Variants in PACSIN1 observed in about 807,000 individuals in gnomAD.
PACSIN1 encodes the protein protein kinase C and casein kinase substrate in neurons protein 1.
In PACSIN1, 15 loss-of-function variants were observed where a neutral mutation model predicts 59.5. The ratio of observed to expected loss-of-function variants is 0.25; its 90% CI spans 0.17 to 0.39. PACSIN1 has a LOEUF of 0.39. PACSIN1 is among the 10% of genes least tolerant of loss of function. The pLI is 1.00. For synonymous variants in PACSIN1, 210 were observed against 220.6 expected (o/e 0.95, Z 0.42); for missense variants, 420 against 580.2 (o/e 0.72, Z 2.84).
intron 1 of PACSIN1, among the ~76,000 whole-genome samples, chr6:34,469,684 G>T (rs1323797406): frequency 6.6e-6 from 1 of 152,230 alleles, no homozygotes; most frequent in Non-Finnish European, 1.5e-5. Flanking sequence ...CTTCCTGCAG[G>T]TGGCTCTGTG....
At chr6:34,491,035 T>A (rs1410806696) in intron 1 of PACSIN1, among the ~76,000 whole-genome samples, 1 of 152,002 alleles carries the variant, frequency 6.6e-6, no homozygotes, top group Non-Finnish European at 1.5e-5. Flanking sequence ...TGCACCTCAC[T>A]CTTTCCCAAG....
chr6:34,513,783 A>T (rs894466524), intron 1 of PACSIN1, among the ~76,000 whole-genome samples: 1 of 152,006 alleles, frequency 6.6e-6, no homozygotes, highest in Non-Finnish European at 1.5e-5. Context: ...TCAGCAGCAG[A>T]GCTGAGACAC....
At position 34,531,538 on chromosome 6, in the gene PACSIN1, G is replaced by A; in HGVS notation, c.1038-62G>A. 4 of 1,537,758 alleles carry A rather than the reference G, an allele frequency of 2.6e-6. No individual in the cohort carries two copies. The highest frequency in any genetic ancestry group is 1.2e-5 in the South Asian group (1 of 86,932). On this transcript the variant is annotated intron_variant, in intron 8 of 9. Coordinates refer to ENST00000244458, the MANE Select transcript of PACSIN1 (RefSeq NM_020804.5). This position sits in a 1 kb window ranked among gnomAD's most constrained non-coding sequence, Gnocchi z 4.4. ...GATCAGGGCTCTGATTAGGAGGAGC[G>A]GTTAGCCCTCGGGATGCGGTACGGG... is the stretch of plus-strand genomic sequence containing the variant.
At chr6:34,482,898 G>A (rs1766740231) in intron 1 of PACSIN1, among the ~76,000 whole-genome samples, 2 of 151,676 alleles carry the variant, frequency 1.3e-5, no homozygotes, top group South Asian at 2.1e-4. Flanking sequence ...TGTTGGCCAG[G>A]CTGGTCTTGA....
chr6:34,513,562 T>G (rs1767238854), intron 1 of PACSIN1, among the ~76,000 whole-genome samples: 1 of 152,088 alleles, frequency 6.6e-6, no homozygotes, highest in Non-Finnish European at 1.5e-5. Context: ...GTGGCAGAAG[T>G]CTAGAAGCCT....
At chr6:34,509,551 C>A (rs1049048826) in intron 1 of PACSIN1, among the ~76,000 whole-genome samples, 10 of 151,112 alleles carry the variant, frequency 6.6e-5, no homozygotes, top group Admixed American at 5.3e-4. Context: ...ATTTTGGGGA[C>A]CTTTGTGGTT....
intron 1 of PACSIN1, among the ~76,000 whole-genome samples, chr6:34,484,709 G>A (rs1766766795): frequency 6.6e-6 from 1 of 152,100 alleles, no homozygotes; most frequent in East Asian, 1.9e-4. Flanking sequence ...GTGGGAGAGG[G>A]TGTATGGGAA....
chr6:34,520,399 C>T (rs1022818577), intron 1 of PACSIN1, among the ~76,000 whole-genome samples: 4 of 152,182 alleles, frequency 2.6e-5, no homozygotes, highest in African/African-American at 9.7e-5. Context: ...TGAGCCTGTT[C>T]CGTGGGGAGA....
At position 34,529,250 on chromosome 6, in the gene PACSIN1, C is replaced by A; in HGVS notation, c.457-147C>A. Reference sequence around the variant, plus strand: ...AATGGAGGAGCGCTGCTCCCGAACACCTGGAGCCAGGGCCTGCATCCCTTC... The same window carrying A: ...AATGGAGGAGCGCTGCTCCCGAACAACTGGAGCCAGGGCCTGCATCCCTTC... On this transcript the variant is annotated intron_variant, in intron 4 of 9. Transcript: ENST00000244458. This position sits in a 1 kb window ranked among gnomAD's most constrained non-coding sequence, Gnocchi z 6.3. 1.2e-6 allele frequency: 1 copy of A among 824,402 alleles called. No homozygotes were observed. Among genetic ancestry groups the A allele is most frequent in the Non-Finnish European group, 1.9e-6 (1 of 527,636 alleles). 51.1% of individuals were successfully genotyped at this position (824,402 alleles called of 1,614,324 possible).
At chr6:34,490,909 G>A (rs1766866920) in intron 1 of PACSIN1, among the ~76,000 whole-genome samples, 1 of 152,108 alleles carries the variant, frequency 6.6e-6, no homozygotes, top group Non-Finnish European at 1.5e-5. Flanking sequence ...GTTAATTCTC[G>A]TATTATGGGA....
chr6:34,481,543 G>A (rs936493932), intron 1 of PACSIN1, among the ~76,000 whole-genome samples: 3 of 152,070 alleles, frequency 2.0e-5, no homozygotes, highest in East Asian at 1.9e-4. Flanking sequence ...GGTGGCGAGC[G>A]CCTGTAGTCC....
chr6:34,523,575 G>T (rs1413416018), intron 1 of PACSIN1, among the ~76,000 whole-genome samples: 1 of 152,230 alleles, frequency 6.6e-6, no homozygotes, highest in African/African-American at 2.4e-5. Context: ...AGGCAGATGG[G>T]CCTGGTGCCC....
chr6:34,469,828 A>C (rs2113830787), intron 1 of PACSIN1, among the ~76,000 whole-genome samples: 1 of 152,326 alleles, frequency 6.6e-6, no homozygotes, highest in South Asian at 2.1e-4. Flanking sequence ...AAGGGACAAG[A>C]TCAACCGGAG....
chr6:34,496,941 C>CTTTTT (rs11464603), intron 1 of PACSIN1, among the ~76,000 whole-genome samples: 77 of 100,826 alleles, frequency 7.6e-4, no homozygotes, highest in African/African-American at 1.7e-3. Context: ...CTCTCTCTCT[C>CTTTTT]TTTTTTTTTT....
At position 34,488,068 on chromosome 6, in the gene PACSIN1, T is replaced by C. The variant is rs1483788404; in HGVS notation, c.-64+21798T>C. Among the ~76,000 whole-genome samples the C allele has an allele frequency of 3.3e-5, 5 of 152,088 alleles. No homozygotes were observed. The highest frequency in any genetic ancestry group is 7.2e-5 in the African/African-American group (3 of 41,406). ...AGGACTCTGGGCCACAACAGACACT[T>C]GCACTCTCCCTCTTCAATGACCCTG... On this transcript the variant is annotated intron_variant, in intron 1 of 9. Transcript: ENST00000244458. The surrounding 1 kb of genome is among the most constrained non-coding windows in gnomAD (Gnocchi z 4.7).
chr6:34,481,531 G>T (rs558860332), intron 1 of PACSIN1, among the ~76,000 whole-genome samples: 2 of 152,030 alleles, frequency 1.3e-5, no homozygotes, highest in African/African-American at 4.8e-5. Context: ...TTAGCCAGGC[G>T]TGGTGGCGAG....
rs554976141 is a variant in PACSIN1, at chr6:34,515,700, C to A, written c.-63-10543C>A. On this transcript the variant is annotated intron_variant, in intron 1 of 9. Transcript: ENST00000244458. This position sits in a 1 kb window ranked among gnomAD's most constrained non-coding sequence, Gnocchi z 4.4. Reference sequence around the variant, plus strand: ...CCAGATCTCCCAAAGGACCCCCATGCCCATCCCCAGCAAGCCCAGGGTCTC... The same window carrying A: ...CCAGATCTCCCAAAGGACCCCCATGACCATCCCCAGCAAGCCCAGGGTCTC... Among the ~76,000 whole-genome samples, 2 of 152,330 alleles carry A rather than the reference C, an allele frequency of 1.3e-5. No individual in the cohort carries two copies. Among genetic ancestry groups the A allele is most frequent in the Non-Finnish European group, 2.9e-5 (2 of 68,040 alleles).
rs374286361 is a variant in PACSIN1, at chr6:34,468,028, G to C, written c.-64+1758G>C. Reference sequence around the variant, plus strand: ...TGGCTCTCCTCAGGCCGCTGGGTTGGCACTTTCTTCCCGGGGTGCCAACTT... The same window carrying C: ...TGGCTCTCCTCAGGCCGCTGGGTTGCCACTTTCTTCCCGGGGTGCCAACTT... On this transcript the variant is annotated intron_variant, in intron 1 of 9. Coordinates refer to ENST00000244458, the MANE Select transcript of PACSIN1 (RefSeq NM_020804.5). 3.3e-5 allele frequency among the ~76,000 whole-genome samples: 5 copies of C among 152,318 alleles called. No homozygotes were observed. The Middle Eastern group carries it at 0.014, about 414-fold the overall frequency.
intron 1 of PACSIN1, among the ~76,000 whole-genome samples, chr6:34,504,790 TA>T (rs1243232604): frequency 6.6e-6 from 1 of 152,166 alleles, no homozygotes; most frequent in South Asian, 2.1e-4. Flanking sequence ...GGTCTGCTAA[TA>T]AAAAATTCTT....
Sources: gnomAD v4.1 joint callset for allele counts (sites outside exome capture counted in the v4.1 genomes callset) on GRCh38, gnomAD v4.1.1 for gene constraint, Gnocchi (gnomAD v3.1) non-coding constraint, MANE v1.5 for transcripts, NCBI Gene and HGNC (gene_info 2026-07-23, HGNC 2026-07-21) for gene names.